Variants in SSUH2 observed in about 807,000 individuals in gnomAD.
SSUH2 encodes the protein ssu-2 homolog.
Under a neutral mutation model 55.3 loss-of-function variants are expected in SSUH2, and 47 were observed. That is an observed-to-expected ratio of 0.85 (90% CI 0.67 to 1.08). The LOEUF (loss-of-function observed/expected upper bound fraction) is 1.08. SSUH2 is among the 50% of genes least tolerant of loss of function. The pLI, the probability that SSUH2 is intolerant of heterozygous loss-of-function variation, is 0.00. For synonymous variants in SSUH2, 212 were observed against 191.5 expected, an observed-to-expected ratio of 1.11 and a Z score of -0.89; for missense variants, 535 against 490.7, an observed-to-expected ratio of 1.09 and a Z score of -0.85.
At chr3:8,634,367 T>A (rs1699527298) in intron 3 of SSUH2, 1 of 1,289,142 alleles carries the variant, frequency 7.8e-7, no homozygotes, top group African/African-American at 1.5e-5. Flanking sequence ...CTCCTGGAAG[T>A]CCCTTCCCTG....
At chr3:8,678,883 CATTG>C in intron 2 of SSUH2, among the ~76,000 whole-genome samples, 4 of 115,344 alleles carry the variant, frequency 3.5e-5, no homozygotes, top group African/African-American at 1.2e-4. Flanking sequence ...TTAGGATCCC[CATTG>C]CAAGGGAGGG....
intron 7 of SSUH2, among the ~76,000 whole-genome samples, chr3:8,658,610 G>A (rs1703174561): frequency 6.6e-6 from 1 of 152,180 alleles, no homozygotes; most frequent in Non-Finnish European, 1.5e-5. Context: ...CTGGCAACCT[G>A]CCCACTGGAA....
chr3:8,678,890 A>G (rs1465659301), intron 2 of SSUH2, among the ~76,000 whole-genome samples: 6 of 101,740 alleles, frequency 5.9e-5, no homozygotes, highest in African/African-American at 1.8e-4. Context: ...CCCCATTGCA[A>G]GGGAGGGAGG....
intron 1 of SSUH2, among the ~76,000 whole-genome samples, chr3:8,638,278 C>A (rs541036824): frequency 3.9e-5 from 6 of 152,256 alleles, no homozygotes; most frequent in African/African-American, 1.4e-4. Context: ...GGAGGGGATG[C>A]CTTTAAGACG....
upstream of SSUH2, among the ~76,000 whole-genome samples, chr3:8,646,403 G>A (rs1701684617): frequency 6.6e-6 from 1 of 152,152 alleles, no homozygotes; most frequent in South Asian, 2.1e-4. Context: ...TTCTTTAAAT[G>A]TCAAATTGAA....
chr3:8,634,859 C>T (rs932783772), intron 3 of SSUH2, among the ~76,000 whole-genome samples: 6 of 152,154 alleles, frequency 3.9e-5, no homozygotes, highest in Non-Finnish European at 8.8e-5. Flanking sequence ...GGCCTTTCCG[C>T]GGATCTAGAC....
intron 11 of SSUH2, among the ~76,000 whole-genome samples, chr3:8,622,632 G>T (rs1696676806): frequency 6.6e-6 from 1 of 152,168 alleles, no homozygotes; most frequent in African/African-American, 2.4e-5. Context: ...TGAACTGCAT[G>T]ATTTCTCAGC....
intron 5 of SSUH2, chr3:8,663,828 A>T (rs936300322): frequency 2.2e-6 from 1 of 456,750 alleles, no homozygotes; most frequent in Non-Finnish European, 4.4e-6. Context: ...AGATAAATTT[A>T]CGGAAAAATT....
intron 2 of SSUH2, among the ~76,000 whole-genome samples, chr3:8,679,168 C>G (rs1446794368): frequency 3.7e-5 from 1 of 26,918 alleles, no homozygotes; most frequent in East Asian, 4.6e-3. Flanking sequence ...TGAGAGGCAG[C>G]CGCTGTTCCC....
At position 8,619,754 on chromosome 3, in the gene SSUH2, T is replaced by C. The variant is rs1352924568; in HGVS notation, c.*114A>G. 2.2e-5 allele frequency: 28 copies of C among 1,288,730 alleles called. No individual in the cohort carries two copies. In the East Asian group the frequency reaches 6.6e-4, roughly 30 times the overall value. 79.8% of individuals were successfully genotyped at this position (1,288,730 alleles called of 1,614,324 possible). ...ATAAGCTGGTTTTTCTGGAAGGACA[T>C]GCCAGGGTTTGTATGTGATTGTCCA... On this transcript the variant is annotated 3_prime_UTR_variant, in exon 12 of 12. Coordinates refer to ENST00000544814, the MANE Select transcript of SSUH2 (RefSeq NM_001256748.3).
At chr3:8,633,874 G>C in intron 3 of SSUH2, 79 bp from the exon 4 acceptor site, 4 of 1,613,872 alleles carry the variant, frequency 2.5e-6, no homozygotes, top group South Asian at 2.2e-5. Flanking sequence ...CCTCCTCAAC[G>C]TGCAGGCGAG....
chr3:8,647,855 G>A (rs1246388727), upstream of SSUH2, among the ~76,000 whole-genome samples: 2 of 152,234 alleles, frequency 1.3e-5, no homozygotes, highest in East Asian at 1.9e-4. Flanking sequence ...TGGCTTATCT[G>A]CAGGCTGGGT....
At chr3:8,674,210 G>A (rs1249064710) in intron 3 of SSUH2, among the ~76,000 whole-genome samples, 1 of 152,248 alleles carries the variant, frequency 6.6e-6, no homozygotes, top group Non-Finnish European at 1.5e-5. Context: ...TCCCCCCAAA[G>A]AAGCAAGGGA....
Position 8,671,180 on chromosome 3 carries a change from G to T in SSUH2, c.-610-27C>A, listed in dbSNP as rs562916873. On this transcript the variant is annotated intron_variant, in intron 4 of 18. Coordinates refer to the SSUH2 transcript ENST00000317371. ...TGGAATATTATGAAGAATATTAAAGGGTGTACAGGACCTGTGAATTACGAG... is the reference window on the plus strand; with the variant it reads ...TGGAATATTATGAAGAATATTAAAGTGTGTACAGGACCTGTGAATTACGAG... The T allele has an allele frequency of 2.1e-5, 4 of 189,062 alleles. No homozygotes were observed. The East Asian group carries it at 4.6e-4, about 22-fold the overall frequency. 11.7% of individuals were successfully genotyped at this position (189,062 alleles called of 1,614,324 possible).
intron 11 of SSUH2, among the ~76,000 whole-genome samples, chr3:8,620,410 A>G (rs1437322721): frequency 6.6e-6 from 1 of 152,222 alleles, no homozygotes; most frequent in Non-Finnish European, 1.5e-5. Flanking sequence ...CTCCCCAGCC[A>G]TGGGAACTGT....
chr3:8,675,223 A>C (rs1425592902), intron 3 of SSUH2, among the ~76,000 whole-genome samples: 2 of 152,178 alleles, frequency 1.3e-5, no homozygotes, highest in Admixed American at 1.3e-4. Flanking sequence ...CTTTCCTATC[A>C]GATTATCCCC....
In SSUH2 at chr3:8,630,937, A is replaced by G; in HGVS notation, c.401-8T>C. ...GCCCATCCACAGAGTGGTCTGACACAGAAAGGGGTCATTGTAAGAATGACG... is the reference window on the plus strand; with the variant it reads ...GCCCATCCACAGAGTGGTCTGACACGGAAAGGGGTCATTGTAAGAATGACG... On this transcript the variant is annotated splice_region_variant and splice_polypyrimidine_tract_variant and intron_variant, in intron 5 of 11. Transcript: ENST00000544814. 7.1e-7 allele frequency: 1 copy of G among 1,402,132 alleles called. No homozygotes were observed. Among genetic ancestry groups the G allele is most frequent in the Middle Eastern group, 1.9e-4 (1 of 5,250 alleles). The allele number at this position is 1,402,132 out of a possible 1,614,324, so 86.9% of individuals were successfully genotyped here. A position where few individuals can be genotyped will look rare whatever the true frequency, so the allele number is the denominator to read the frequency against.
chr3:8,628,839 C>G (rs1698134535), intron 7 of SSUH2, among the ~76,000 whole-genome samples: 1 of 152,104 alleles, frequency 6.6e-6, no homozygotes, highest in Non-Finnish European at 1.5e-5. Flanking sequence ...TAATAGGTGT[C>G]TGGTTTGTTG....
At chr3:8,676,453 T>G (rs141834769) in intron 3 of SSUH2, among the ~76,000 whole-genome samples, 4 of 150,910 alleles carry the variant, frequency 2.7e-5, no homozygotes, top group East Asian at 2.1e-4. Flanking sequence ...CCTGGGGGGT[T>G]TCCACTTTCT....
Sources: allele counts gnomAD v4.1 joint callset (sites outside exome capture counted in the v4.1 genomes callset), GRCh38; gene constraint gnomAD v4.1.1; transcripts MANE v1.5; gene names NCBI Gene and HGNC (gene_info 2026-07-23, HGNC 2026-07-21).